The following CHODL variants were observed in gnomAD, a reference collection of about 807,000 sequenced individuals.
CHODL encodes transmembrane protein MT75.
In CHODL, 29 loss-of-function variants were observed where a neutral mutation model predicts 34.5. The ratio of observed to expected loss-of-function variants is 0.84; its 90% CI spans 0.63 to 1.15. CHODL has a LOEUF of 1.15. CHODL is among the 50% of genes most tolerant of loss of function. CHODL has a pLI of 0.00. For synonymous variants in CHODL, 125 were observed against 116.1 expected, an observed-to-expected ratio of 1.08 and a Z score of -0.49; for missense variants, 332 against 332.5, an observed-to-expected ratio of 1.00 and a Z score of 0.01.
chr21:18,180,020 G>A (rs977116089), intron 2 of CHODL, among the ~76,000 whole-genome samples: 2 of 152,140 alleles, frequency 1.3e-5, no homozygotes, highest in African/African-American at 4.8e-5. Context: ...TCTATAAGAA[G>A]ATAATAATAG....
intron 1 of CHODL, among the ~76,000 whole-genome samples, chr21:17,917,589 G>A (rs566969882): frequency 1.3e-5 from 2 of 149,618 alleles, no homozygotes; most frequent in South Asian, 4.2e-4. Flanking sequence ...ACCCAAGGTG[G>A]GGCCATCTGT....
At chr21:17,945,783 G>A (rs1049944350) in intron 1 of CHODL, among the ~76,000 whole-genome samples, 3 of 152,144 alleles carry the variant, frequency 2.0e-5, no homozygotes, top group South Asian at 4.1e-4. Flanking sequence ...TCAAAGAGGA[G>A]TATACTAAGA....
intron 1 of CHODL, among the ~76,000 whole-genome samples, chr21:18,004,325 TA>T (rs1438705721): frequency 6.6e-6 from 1 of 152,252 alleles, no homozygotes; most frequent in Admixed American, 6.5e-5. Flanking sequence ...TTTTAGCCTC[TA>T]TAAGTGGTGT....
chr21:18,016,220 C>T (rs1825159301), intron 1 of CHODL, among the ~76,000 whole-genome samples: 1 of 152,216 alleles, frequency 6.6e-6, no homozygotes. Context: ...AGATCCAGGG[C>T]CTTGCTGCTC....
intron 1 of CHODL, among the ~76,000 whole-genome samples, chr21:18,022,876 C>T (rs187031413): frequency 2.6e-5 from 4 of 152,320 alleles, no homozygotes; most frequent in African/African-American, 9.6e-5. Flanking sequence ...AGGTTACTTG[C>T]TCAAGTTCCT....
At chr21:17,989,560 A>G (rs1159134502) in intron 1 of CHODL, among the ~76,000 whole-genome samples, 9 of 152,180 alleles carry the variant, frequency 5.9e-5, no homozygotes, top group African/African-American at 1.2e-4. Flanking sequence ...GCCTTTTCTT[A>G]ATATCAGAAT....
chr21:18,264,358 A>G (rs2074420890), intron 5 of CHODL, among the ~76,000 whole-genome samples: 1 of 152,092 alleles, frequency 6.6e-6, no homozygotes, highest in Non-Finnish European at 1.5e-5. Context: ...CAGGGCATCC[A>G]GTAGAGAATG....
At chr21:18,054,485 C>T (rs2064554898) in intron 2 of CHODL, among the ~76,000 whole-genome samples, 2 of 151,848 alleles carry the variant, frequency 1.3e-5, no homozygotes, top group African/African-American at 4.8e-5. Context: ...AGGACATTTG[C>T]TAAGTAAAAT....
intron 1 of CHODL, among the ~76,000 whole-genome samples, chr21:17,949,514 A>G (rs1379261503): frequency 3.9e-5 from 6 of 152,144 alleles, no homozygotes. Context: ...AAAGTGGGGA[A>G]GAGATGAAGT....
intron 2 of CHODL, among the ~76,000 whole-genome samples, chr21:18,076,864 A>G (rs1291315022): frequency 3.3e-5 from 5 of 152,188 alleles, no homozygotes; most frequent in Non-Finnish European, 5.9e-5. Context: ...CCAAAGTGAA[A>G]TTCCATCCCC....
chr21:18,225,558 A>G (rs920320801), intron 2 of CHODL, among the ~76,000 whole-genome samples: 5 of 152,164 alleles, frequency 3.3e-5, no homozygotes, highest in Admixed American at 6.6e-5. Context: ...AAAATCTATT[A>G]TGTAGTTCAT....
chr21:18,035,588 C>G (rs1480888914), intron 2 of CHODL, among the ~76,000 whole-genome samples: 1 of 151,968 alleles, frequency 6.6e-6, no homozygotes, highest in Admixed American at 6.6e-5. Context: ...TTCATATATA[C>G]TAGTCTACTT....
At chr21:17,917,666 C>T (rs1279419305) in intron 1 of CHODL, among the ~76,000 whole-genome samples, 1 of 152,136 alleles carries the variant, frequency 6.6e-6, no homozygotes, top group Admixed American at 6.5e-5. Context: ...ATCTGATTAC[C>T]TGGCAGTGCC....
rs567097457 is a variant in CHODL, at chr21:17,956,311, C to T, written c.-145+38911C>T. Among the ~76,000 whole-genome samples the T allele has an allele frequency of 2.1e-4, 29 of 135,756 alleles. 4 individuals carry two copies. The highest frequency in any genetic ancestry group is 1.0e-3 in the Admixed American group (14 of 13,804). 89.1% of individuals were successfully genotyped at this position (135,756 alleles called of 152,430 possible). A position where few individuals can be genotyped will look rare whatever the true frequency, so the allele number is the denominator to read the frequency against. Reference sequence around the variant, plus strand: ...CTCTCATGCTTCTCCTGCCATGACACGCCTGCTCCACCTTTATCTTATGCC... The same window carrying T: ...CTCTCATGCTTCTCCTGCCATGACATGCCTGCTCCACCTTTATCTTATGCC... On this transcript the variant is annotated intron_variant, in intron 1 of 6. Transcript: ENST00000400127.
chr21:17,931,016 C>G (rs1310051771), intron 1 of CHODL, among the ~76,000 whole-genome samples: 1 of 152,174 alleles, frequency 6.6e-6, no homozygotes, highest in Non-Finnish European at 1.5e-5. Flanking sequence ...TCAGCCCTGG[C>G]ACAAGGGTGT....
intron 2 of CHODL, among the ~76,000 whole-genome samples, chr21:18,169,969 T>C (rs1365831987): frequency 1.3e-5 from 2 of 152,066 alleles, no homozygotes; most frequent in Non-Finnish European, 2.9e-5. Context: ...TATGGTGTTG[T>C]TCGATTCTCG....
chr21:18,142,209 G>A (rs898004660), intron 2 of CHODL, among the ~76,000 whole-genome samples: 1 of 149,248 alleles, frequency 6.7e-6, no homozygotes, highest in Non-Finnish European at 1.5e-5. Context: ...TTTAGTTCCA[G>A]CATTGTCCCG....
chr21:18,174,099 ATATATATATATATATATCTT>A (rs1568923000), intron 2 of CHODL, among the ~76,000 whole-genome samples: 5 of 490 alleles, frequency 0.01, 1 homozygote, highest in African/African-American at 0.083. Flanking sequence ...CAAATACAGG[ATATATATATATATATATCTT>A]GGTGTATATA....
In CHODL at chr21:18,180,288, G is replaced by A. The variant is rs148226477; in HGVS notation, c.-44-76221G>A. 6.1e-3 allele frequency among the ~76,000 whole-genome samples: 930 copies of A among 152,178 alleles called. 5 individuals are homozygous for A. The highest frequency in any genetic ancestry group is 0.011 in the Admixed American group (173 of 15,284). On this transcript the variant is annotated intron_variant, in intron 2 of 6. Coordinates refer to the CHODL transcript ENST00000400127. ...TCACCTCAGCCTCCCAAGTAGCTGG[G>A]ACCACAGGCACGCACCACCACATCC...
Sources: allele counts gnomAD v4.1 joint callset (sites outside exome capture counted in the v4.1 genomes callset), GRCh38; gene constraint gnomAD v4.1.1; transcripts MANE v1.5; gene names NCBI Gene and HGNC (gene_info 2026-07-23, HGNC 2026-07-21).